CNTN4: variants seen among roughly 807,000 people sequenced by gnomAD.
CNTN4 encodes the protein contactin 4.
Under a neutral mutation model 122.5 loss-of-function variants are expected in CNTN4, and 77 were observed. The ratio of observed to expected loss-of-function variants is 0.63; its 90% CI spans 0.52 to 0.76. The LOEUF (loss-of-function observed/expected upper bound fraction) is 0.76, where lower values mean the gene tolerates loss of function less well. Among genes scored for constraint, CNTN4 ranks in the 30% least tolerant of loss-of-function variants. The pLI, the probability that CNTN4 is intolerant of heterozygous loss-of-function variation, is 0.00. For synonymous variants in CNTN4, 512 were observed against 447.0 expected (o/e 1.15, Z -1.83); for missense variants, 1,256 against 1,259.1 (o/e 1.00, Z 0.04).
At chr3:2,420,411 A>T (rs965250062) in intron 3 of CNTN4, among the ~76,000 whole-genome samples, 2 of 151,976 alleles carry the variant, frequency 1.3e-5, no homozygotes, top group African/African-American at 4.8e-5. Context: ...ATTGCCTGCT[A>T]TATTCACTGC....
intron 2 of CNTN4, among the ~76,000 whole-genome samples, chr3:2,188,576 G>A (rs1009931790): frequency 6.6e-6 from 1 of 152,138 alleles, no homozygotes; most frequent in Admixed American, 6.6e-5. Flanking sequence ...TTCAGGTAGG[G>A]TGAGAAACTG....
At chr3:2,520,977 C>T (rs541716863) in intron 3 of CNTN4, among the ~76,000 whole-genome samples, 33 of 152,132 alleles carry the variant, frequency 2.2e-4, no homozygotes, top group African/African-American at 7.5e-4. Flanking sequence ...AAATTACTAC[C>T]CTTACGAAAG....
chr3:2,302,296 T>C (rs2042553739), intron 2 of CNTN4, among the ~76,000 whole-genome samples: 1 of 152,042 alleles, frequency 6.6e-6, no homozygotes, highest in Non-Finnish European at 1.5e-5. Context: ...GGCATGGTGG[T>C]GCACACCTGT....
intron 2 of CNTN4, among the ~76,000 whole-genome samples, chr3:2,267,078 G>GAATATTTGAAATTTGAAAA (rs1326508145): frequency 2.0e-5 from 3 of 152,076 alleles, no homozygotes; most frequent in African/African-American, 7.2e-5. Context: ...TTTCAAATAT[G>GAATATTTGAAATTTGAAAA]TAAAGAACTT....
chr3:2,273,947 T>C (rs2041399755), intron 2 of CNTN4, among the ~76,000 whole-genome samples: 1 of 152,220 alleles, frequency 6.6e-6, no homozygotes, highest in Non-Finnish European at 1.5e-5. Flanking sequence ...TATTTTATTT[T>C]ATATAAACAT....
rs116115339 is a variant in CNTN4, at chr3:2,872,945, A to G, written c.652+5996A>G. On this transcript the variant is annotated intron_variant, in intron 8 of 24. Transcript: ENST00000418658. ...AGTCCTCACTCATTTTTCACAGCCT[A>G]ATTTAGCCATGAAAAACAGTGAATA... is the stretch of plus-strand genomic sequence containing the variant. 7.0e-3 allele frequency among the ~76,000 whole-genome samples: 1,068 copies of G among 152,290 alleles called. 14 individuals are homozygous for G. Among genetic ancestry groups the G allele is most frequent in the African/African-American group, 0.024 (993 of 41,558 alleles).
Position 2,672,104 on chromosome 3 carries a change from A to G in CNTN4, c.56-64111A>G, listed in dbSNP as rs183797230. On this transcript the variant is annotated intron_variant, in intron 4 of 24. Transcript: ENST00000418658. The stretch of plus-strand genomic sequence containing the variant: ...GCAGTCTGTCTGTTCTCAGATCTCA[A>G]GCTGCGTGCTGGGAGAACCACCACT... Among the ~76,000 whole-genome samples, 365 of 152,300 alleles carry G rather than the reference A, an allele frequency of 2.4e-3. 2 individuals are homozygous for G. Among genetic ancestry groups the G allele is most frequent in the African/African-American group, 8.4e-3 (350 of 41,568 alleles).
intron 23 of CNTN4, 58 bp from the exon 24 acceptor site, chr3:3,053,749 C>A: frequency 6.4e-7 from 1 of 1,565,870 alleles, no homozygotes; most frequent in East Asian, 2.2e-5. Context: ...AATGAATGCT[C>A]CATATTTGGG....
At position 2,994,746 on chromosome 3, in the gene CNTN4, C is replaced by T. The variant is rs139958155; in HGVS notation, c.1486+6274C>T. 2.0e-4 allele frequency among the ~76,000 whole-genome samples: 31 copies of T among 152,108 alleles called. 1 individual carries two copies. Among genetic ancestry groups the T allele is most frequent in the African/African-American group, 6.5e-4 (27 of 41,490 alleles). On this transcript the variant is annotated intron_variant, in intron 14 of 24. Transcript: ENST00000418658. The stretch of plus-strand genomic sequence containing the variant: ...ACCTTTCCATGCATAGCATAATAGA[C>T]GCAATAAAGTAGAGTCTTTTCAGTT...
chr3:3,043,230 C>A, intron 22 of CNTN4, 67 bp downstream of exon 22: 3 of 1,403,412 alleles, frequency 2.1e-6, no homozygotes, highest in Non-Finnish European at 3.0e-6. Context: ...TATTCCTTAT[C>A]CCCACCTCCC....
At chr3:2,121,913 C>G (rs1354718813) in intron 2 of CNTN4, among the ~76,000 whole-genome samples, 2 of 152,076 alleles carry the variant, frequency 1.3e-5, no homozygotes, top group Non-Finnish European at 2.9e-5. Flanking sequence ...CACCTGTAAT[C>G]CCAGCACTTT....
Position 2,630,611 on chromosome 3 carries a change from A to G in CNTN4, c.55+59053A>G, listed in dbSNP as rs2082388425. Among the ~76,000 whole-genome samples the G allele has an allele frequency of 3.9e-5, 6 of 152,278 alleles. 1 individual carries two copies. The South Asian group carries it at 1.0e-3, about 26-fold the overall frequency. ...GAATCATAAATAATACTGAGAAACT[A>G]TAACTTAATATTGTTAAATCTTCTT... On this transcript the variant is annotated intron_variant, in intron 4 of 24. Coordinates refer to ENST00000418658, the MANE Select transcript of CNTN4 (RefSeq NM_175607.3).
At chr3:2,808,106 T>C (rs1464597524) in intron 6 of CNTN4, among the ~76,000 whole-genome samples, 1 of 152,146 alleles carries the variant, frequency 6.6e-6, no homozygotes, top group Non-Finnish European at 1.5e-5. Flanking sequence ...AGAAATTGAA[T>C]GAAAAAGTTT....
At chr3:2,671,932 T>C (rs1338208930) in intron 4 of CNTN4, among the ~76,000 whole-genome samples, 1 of 152,166 alleles carries the variant, frequency 6.6e-6, no homozygotes, top group African/African-American at 2.4e-5. Context: ...GAACAGCAAA[T>C]ATTGCTGAAC....
chr3:2,492,313 AG>A (rs2076340538), intron 3 of CNTN4, among the ~76,000 whole-genome samples: 3 of 152,110 alleles, frequency 2.0e-5, no homozygotes, highest in Admixed American at 6.5e-5. Context: ...CCCAAATTTC[AG>A]AGAGATTGGA....
intron 2 of CNTN4, among the ~76,000 whole-genome samples, chr3:2,215,954 C>T (rs936028410): frequency 3.4e-5 from 5 of 145,654 alleles, no homozygotes; most frequent in African/African-American, 1.3e-4. Flanking sequence ...TAAATTAGTT[C>T]AACCATTGTG....
chr3:2,173,652 G>C (rs2036610605), intron 2 of CNTN4, among the ~76,000 whole-genome samples: 1 of 151,978 alleles, frequency 6.6e-6, no homozygotes, highest in Non-Finnish European at 1.5e-5. Context: ...AAATCTTTCG[G>C]ATGTTCGAAG....
chr3:2,336,069 G>C (rs2043942016), intron 2 of CNTN4, among the ~76,000 whole-genome samples: 1 of 152,146 alleles, frequency 6.6e-6, no homozygotes, highest in Admixed American at 6.6e-5. Flanking sequence ...TAAATATTTT[G>C]TGATGAGTGG....
intron 2 of CNTN4, among the ~76,000 whole-genome samples, chr3:2,327,153 T>TTGTGTGTGTGTGTGTC (rs2043498781): frequency 1.8e-5 from 2 of 114,004 alleles, no homozygotes; most frequent in African/African-American, 6.1e-5. Context: ...GTGTGTGTGT[T>TTGTGTGTGTGTGTGTC]TGTGTGTGTG....
Sources: allele counts gnomAD v4.1 joint callset (sites outside exome capture counted in the v4.1 genomes callset), GRCh38; gene constraint gnomAD v4.1.1; transcripts MANE v1.5; gene names NCBI Gene and HGNC (gene_info 2026-07-23, HGNC 2026-07-21).